RYR3: variants seen among roughly 807,000 people sequenced by gnomAD.
RYR3 encodes the protein ryanodine receptor 3, also known as brain ryanodine receptor-calcium release channel.
Under a neutral mutation model 584.3 loss-of-function variants are expected in RYR3, and 207 were observed. The observed-to-expected ratio is 0.35, with a 90% CI of 0.32 to 0.40. The LOEUF is 0.40. RYR3 is among the 10% of genes least tolerant of loss of function. The pLI, the probability that RYR3 is intolerant of heterozygous loss-of-function variation, is 1.00. For missense variants in RYR3, 5,616 were observed against 6,089.2 expected (o/e 0.92, Z 2.59); for synonymous variants, 2,416 against 2,248.5 (o/e 1.07, Z -2.11).
At chr15:33,548,541 C>T (rs774935774) in intron 9 of RYR3, among the ~76,000 whole-genome samples, 16 of 152,208 alleles carry the variant, frequency 1.1e-4, no homozygotes, top group Non-Finnish European at 1.9e-4. Flanking sequence ...TCTTCCGTCT[C>T]CTCTCAGTAG....
At chr15:33,599,138 T>C (rs2152546925) in intron 16 of RYR3, among the ~76,000 whole-genome samples, 1 of 151,874 alleles carries the variant, frequency 6.6e-6, no homozygotes, top group East Asian at 2.0e-4. Context: ...CTGGAGGGAG[T>C]ACTCTCAGAC....
chr15:33,484,623 G>A (rs2050257226), intron 2 of RYR3, among the ~76,000 whole-genome samples: 1 of 119,448 alleles, frequency 8.4e-6, no homozygotes, highest in South Asian at 2.7e-4. Context: ...ATTGAATTCA[G>A]GTATGGGTAA....
intron 1 of RYR3, among the ~76,000 whole-genome samples, chr15:33,444,811 C>T (rs1279182653): frequency 1.3e-5 from 2 of 151,898 alleles, no homozygotes; most frequent in South Asian, 2.1e-4. Context: ...AAAAGCAAGA[C>T]GAGTTAATGG....
At position 33,601,631 on chromosome 15, in the gene RYR3, T is replaced by A. The variant is rs1429558136; in HGVS notation, c.1922+79T>A. 3 of 1,506,070 alleles carry A rather than the reference T, an allele frequency of 2.0e-6. No homozygotes were observed. In the East Asian group the frequency reaches 6.9e-5, roughly 35 times the overall value. 93.3% of individuals were successfully genotyped at this position (1,506,070 alleles called of 1,614,324 possible). On this transcript the variant is annotated intron_variant, in intron 17 of 103. Transcript: ENST00000634891. ...CCCAAGCAGGAAAAGAGGGCTCATC[T>A]GAACTCCAAAGTTGCCCACCCATTG...
intron 43 of RYR3, among the ~76,000 whole-genome samples, chr15:33,720,047 TTAGACTC>T (rs879814103): frequency 4.6e-5 from 7 of 152,222 alleles, no homozygotes; most frequent in Non-Finnish European, 8.8e-5. Flanking sequence ...TACAAAAATT[TTAGACTC>T]TTGAAGGATT....
At chr15:33,626,759 G>A (rs2061011230) in intron 20 of RYR3, among the ~76,000 whole-genome samples, 1 of 152,188 alleles carries the variant, frequency 6.6e-6, no homozygotes, top group African/African-American at 2.4e-5. Context: ...TCAGGCCATG[G>A]CTTCAGAGGG....
chr15:33,386,040 A>G (rs1445793855), intron 1 of RYR3, among the ~76,000 whole-genome samples: 1 of 152,168 alleles, frequency 6.6e-6, no homozygotes, highest in Non-Finnish European at 1.5e-5. Flanking sequence ...TACTGTTATA[A>G]AATAAAAACA....
intron 3 of RYR3, among the ~76,000 whole-genome samples, chr15:33,516,048 T>G (rs897112099): frequency 1.3e-5 from 2 of 152,170 alleles, no homozygotes; most frequent in Non-Finnish European, 2.9e-5. Context: ...AAGATAAAAT[T>G]CTAACAAAAA....
At chr15:33,532,989 C>T (rs887526620) in intron 4 of RYR3, among the ~76,000 whole-genome samples, 1 of 152,166 alleles carries the variant, frequency 6.6e-6, no homozygotes, top group African/African-American at 2.4e-5. Flanking sequence ...TGGTGGCACA[C>T]ACCTGTAGTC....
intron 1 of RYR3, among the ~76,000 whole-genome samples, chr15:33,392,291 C>T (rs2042049406): frequency 6.6e-6 from 1 of 151,176 alleles, no homozygotes; most frequent in Admixed American, 6.6e-5. Context: ...GTGAACCTTT[C>T]CAAATAAACG....
At chr15:33,473,114 G>A (rs995864311) in intron 1 of RYR3, among the ~76,000 whole-genome samples, 8 of 152,098 alleles carry the variant, frequency 5.3e-5, no homozygotes, top group Non-Finnish European at 1.0e-4. Context: ...TTGCCCAAAT[G>A]TTGAAATCAT....
chr15:33,348,711 A>G (rs188062001), intron 1 of RYR3, among the ~76,000 whole-genome samples: 135 of 152,170 alleles, frequency 8.9e-4, no homozygotes, highest in African/African-American at 3.1e-3. Context: ...CCTGACCACA[A>G]GTGATCTGCC....
At chr15:33,848,147 G>T (rs1436521109) in intron 93 of RYR3, 144 bp from the exon 94 acceptor site, 2 of 989,820 alleles carry the variant, frequency 2.0e-6, no homozygotes, top group Non-Finnish European at 3.0e-6. Context: ...ATTTGGCTTT[G>T]ATCCCACAAC....
At chr15:33,417,450 C>T (rs976490085) in intron 1 of RYR3, among the ~76,000 whole-genome samples, 1 of 151,768 alleles carries the variant, frequency 6.6e-6, no homozygotes, top group Admixed American at 6.6e-5. Context: ...TTGTGGCCAT[C>T]GTAAGTGAGA....
At chr15:33,860,222 G>T (rs962587095) in intron 100 of RYR3, among the ~76,000 whole-genome samples, 1 of 152,204 alleles carries the variant, frequency 6.6e-6, no homozygotes, top group African/African-American at 2.4e-5. Flanking sequence ...GCTAAGAAGT[G>T]AAGTAACTGA....
intron 27 of RYR3, among the ~76,000 whole-genome samples, chr15:33,642,596 C>T (rs537540270): frequency 1.8e-3 from 278 of 152,334 alleles, no homozygotes; most frequent in African/African-American, 6.4e-3. Context: ...TTTCCCAATG[C>T]GGAGCCTAGG....
chr15:33,585,854 T>C lies in RYR3; in HGVS notation c.1670-144T>C. On this transcript the variant is annotated intron_variant, in intron 15 of 103. Transcript: ENST00000634891. ...TCTACCGGAAATGATGCATTTTTTT[T>C]CTGGCTGGAAAGATTTGATAGATTC... 1.5e-5 allele frequency: 9 copies of C among 595,448 alleles called. No individual in the cohort carries two copies. In the South Asian group the frequency reaches 1.5e-4, roughly 10 times the overall value. The allele number at this position is 595,448 out of a possible 1,614,324, so 36.9% of individuals were successfully genotyped here.
chr15:33,826,812 G>A (rs909425471), intron 84 of RYR3, 60 bp downstream of exon 84: 18 of 1,220,332 alleles, frequency 1.5e-5, no homozygotes, highest in East Asian at 2.3e-5. Flanking sequence ...CTAGAATTCC[G>A]TTCAGTATGC....
At chr15:33,634,520 G>A in intron 24 of RYR3, 66 bp from the exon 25 acceptor site, 1 of 1,551,640 alleles carries the variant, frequency 6.4e-7, no homozygotes, top group East Asian at 2.2e-5. Flanking sequence ...GGGAATATGT[G>A]AATAGGGTGA....
Sources: gnomAD v4.1 joint callset for allele counts (sites outside exome capture counted in the v4.1 genomes callset) on GRCh38, gnomAD v4.1.1 for gene constraint, MANE v1.5 for transcripts, NCBI Gene and HGNC (gene_info 2026-07-23, HGNC 2026-07-21) for gene names.